The following AGBL1 variants were observed in gnomAD, a reference collection of about 807,000 sequenced individuals.
AGBL1 encodes AGBL carboxypeptidase 1.
AGBL1 carries 130 observed loss-of-function variants against 118.9 expected under a neutral mutation model. The observed-to-expected ratio is 1.09, with a 90% confidence interval of 0.95 to 1.26. The LOEUF is 1.26. Ranked by LOEUF, AGBL1 falls within the 50% of genes most tolerant of loss-of-function variation. The pLI is 0.00. For synonymous variants in AGBL1, 555 were observed against 478.9 expected, an observed-to-expected ratio of 1.16 and a Z score of -2.08; for missense variants, 1,584 against 1,298.1, an observed-to-expected ratio of 1.22 and a Z score of -3.38.
intron 5 of AGBL1, among the ~76,000 whole-genome samples, chr15:86,222,762 T>A (rs2078299359): frequency 6.6e-6 from 1 of 152,204 alleles, no homozygotes; most frequent in Non-Finnish European, 1.5e-5. Context: ...TCCAGCTATA[T>A]AATGTCACTG....
At chr15:86,210,527 T>G (rs1459826126) in intron 5 of AGBL1, among the ~76,000 whole-genome samples, 1 of 152,230 alleles carries the variant, frequency 6.6e-6, no homozygotes, top group Non-Finnish European at 1.5e-5. Context: ...TTACTCTTTT[T>G]TCTCTAAACT....
intron 22 of AGBL1, among the ~76,000 whole-genome samples, chr15:86,804,635 G>T (rs2078693502): frequency 1.3e-5 from 2 of 152,116 alleles, no homozygotes; most frequent in Admixed American, 6.5e-5. Context: ...CTTGGCTCTG[G>T]CCCAAGACAC....
intron 23 of AGBL1, among the ~76,000 whole-genome samples, chr15:86,984,363 C>A (rs72757484): frequency 4.3e-5 from 1 of 23,336 alleles, no homozygotes; most frequent in Non-Finnish European, 9.6e-5. Context: ...TTTTTTCTCT[C>A]TTTTTTTTTT....
chr15:86,281,761 T>A (rs1411717783), intron 16 of AGBL1, among the ~76,000 whole-genome samples: 1 of 152,210 alleles, frequency 6.6e-6, no homozygotes, highest in Admixed American at 6.5e-5. Context: ...TCAGAATTTC[T>A]GCCCTGGGGT....
intron 22 of AGBL1, among the ~76,000 whole-genome samples, chr15:86,688,731 A>G (rs1487121742): frequency 6.6e-6 from 1 of 152,168 alleles, no homozygotes; most frequent in Non-Finnish European, 1.5e-5. Context: ...ATACATAATA[A>G]ACTGCACATA....
rs147555363 is a variant in AGBL1, at chr15:86,228,747, A to G, written c.526+3796A>G. ...TCAAGTAGTGACTGCATGAAAAGCC[A>G]GTGTAGAATATGTGGGTGTTGGGAA... On this transcript the variant is annotated intron_variant, in intron 6 of 22. Transcript: ENST00000614907. 2.6e-5 allele frequency among the ~76,000 whole-genome samples: 4 copies of G among 152,358 alleles called. No homozygotes were observed. In the East Asian group the frequency reaches 7.7e-4, roughly 29 times the overall value.
chr15:86,775,778 C>T (rs567971491), intron 22 of AGBL1, among the ~76,000 whole-genome samples: 1 of 152,174 alleles, frequency 6.6e-6, no homozygotes, highest in East Asian at 1.9e-4. Context: ...TATTTATAAA[C>T]ATTTCAAACA....
intron 10 of AGBL1, 54 bp from the exon 11 acceptor site, chr15:86,264,204 A>G (rs2079035321): frequency 1.5e-6 from 2 of 1,364,358 alleles, no homozygotes; most frequent in Non-Finnish European, 2.0e-6. Flanking sequence ...ATCAAATTGT[A>G]TTCCCTACCT....
chr15:86,621,406 T>C (rs2084801989), intron 21 of AGBL1, among the ~76,000 whole-genome samples: 1 of 152,234 alleles, frequency 6.6e-6, no homozygotes. Flanking sequence ...GTCTCGCAGA[T>C]CTGGAGGGCA....
At chr15:86,988,034 A>G (rs767218630) in exon 24 of AGBL1, 1 of 1,613,594 alleles carries the variant, frequency 6.2e-7, no homozygotes, top group South Asian at 1.1e-5. Context: ...TTTGCTTACC[A>G]CTTTTTTGCC....
At chr15:86,935,221 G>C (rs574905178) in intron 23 of AGBL1, 1 of 152,168 alleles carries the variant, frequency 6.6e-6, no homozygotes, top group Non-Finnish European at 1.5e-5. Flanking sequence ...GTCTTGTTGT[G>C]ACCCCAGAGA....
At chr15:86,238,631 A>C (rs2078592497) in intron 6 of AGBL1, among the ~76,000 whole-genome samples, 1 of 152,182 alleles carries the variant, frequency 6.6e-6, no homozygotes, top group Non-Finnish European at 1.5e-5. Flanking sequence ...AAATGCTGTC[A>C]GTTACAATGA....
intron 21 of AGBL1, among the ~76,000 whole-genome samples, chr15:86,602,928 T>C (rs999909443): frequency 1.3e-5 from 2 of 152,172 alleles, no homozygotes; most frequent in Non-Finnish European, 1.5e-5. Flanking sequence ...TCATTCATAA[T>C]AGTGACACCT....
intron 17 of AGBL1, among the ~76,000 whole-genome samples, chr15:86,308,929 A>T (rs1238853250): frequency 1.3e-5 from 2 of 152,116 alleles, no homozygotes; most frequent in Non-Finnish European, 2.9e-5. Flanking sequence ...TTTCATATGA[A>T]TTTTAGAATT....
chr15:86,486,473 A>T (rs1490960108), intron 18 of AGBL1, among the ~76,000 whole-genome samples: 2 of 152,054 alleles, frequency 1.3e-5, no homozygotes, highest in East Asian at 1.9e-4. Flanking sequence ...TAGCATGGTC[A>T]TGTGTATATT....
chr15:86,495,436 A>C (rs1329360603), intron 18 of AGBL1, among the ~76,000 whole-genome samples: 3 of 151,500 alleles, frequency 2.0e-5, no homozygotes, highest in Non-Finnish European at 4.4e-5. Flanking sequence ...TCATTAAAAA[A>C]ACCTTATAAA....
chr15:86,757,910 C>T (rs556727933), intron 22 of AGBL1, among the ~76,000 whole-genome samples: 1 of 152,090 alleles, frequency 6.6e-6, no homozygotes, highest in Non-Finnish European at 1.5e-5. Flanking sequence ...ACAAGTGATT[C>T]TAGATACATT....
intron 18 of AGBL1, among the ~76,000 whole-genome samples, chr15:86,507,544 T>C (rs2082992416): frequency 6.6e-6 from 1 of 152,136 alleles, no homozygotes; most frequent in Non-Finnish European, 1.5e-5. Context: ...GGTAGATATG[T>C]AATACAATGA....
chr15:86,117,479 T>G (rs1435312216), intron 1 of AGBL1, among the ~76,000 whole-genome samples: 1 of 152,192 alleles, frequency 6.6e-6, no homozygotes, highest in East Asian at 1.9e-4. Context: ...GTTTTGTAAC[T>G]TCTATGACCT....
Sources: allele counts gnomAD v4.1 joint callset (sites outside exome capture counted in the v4.1 genomes callset), GRCh38; gene constraint gnomAD v4.1.1; transcripts MANE v1.5; gene names NCBI Gene and HGNC (gene_info 2026-07-23, HGNC 2026-07-21).